The following MGST2 variants were observed in gnomAD, a reference collection of about 807,000 sequenced individuals.
MGST2 encodes the protein microsomal glutathione S-transferase 2, also known as glutathione peroxidase MGST2.
In MGST2, 9 loss-of-function variants were observed where a neutral mutation model predicts 16.6. The ratio of observed to expected loss-of-function variants is 0.54; its 90% CI spans 0.33 to 0.95. The LOEUF is 0.95. Ranked by LOEUF, MGST2 falls within the 40% of genes least tolerant of loss-of-function variation. MGST2 has a pLI of 0.03. For missense variants in MGST2, 159 were observed against 175.1 expected (o/e 0.91, Z 0.52); for synonymous variants, 79 against 68.0 (o/e 1.16, Z -0.79).
At chr4:139,753,645 C>T in the MGST2 span, among the ~76,000 whole-genome samples, 2 of 152,144 alleles carry the variant, frequency 1.3e-5, no homozygotes, top group Non-Finnish European at 2.9e-5. Flanking sequence ...TATGCTCCTT[C>T]CCTACATACA....
At chr4:139,703,343 A>G (rs1174929270) in intron 3 of MGST2, 112 bp from the exon 4 acceptor site, 2 of 870,752 alleles carry the variant, frequency 2.3e-6, no homozygotes, top group Non-Finnish European at 3.8e-6. Flanking sequence ...TCTGAATATA[A>G]GTATCTTGTC....
At chr4:139,719,947 C>G (rs1311122507) in intron 5 of MGST2, 1 of 1,613,964 alleles carries the variant, frequency 6.2e-7, no homozygotes, top group Non-Finnish European at 8.5e-7. Context: ...GCCCTTTCAT[C>G]TGTGGATGTT....
intron 2 of MGST2, among the ~76,000 whole-genome samples, chr4:139,690,201 A>G (rs1726490071): frequency 6.6e-6 from 1 of 152,194 alleles, no homozygotes; most frequent in Non-Finnish European, 1.5e-5. Context: ...CATATTGTCC[A>G]GGCTGGTCTT....
At chr4:139,671,636 T>A (rs1730699527) in intron 1 of MGST2, among the ~76,000 whole-genome samples, 1 of 151,924 alleles carries the variant, frequency 6.6e-6, no homozygotes, top group African/African-American at 2.4e-5. Context: ...GGCTAATTTT[T>A]GTTGTTGTTC....
intron 3 of MGST2, among the ~76,000 whole-genome samples, chr4:139,697,250 T>A (rs935584115): frequency 3.9e-5 from 6 of 152,234 alleles, no homozygotes; most frequent in African/African-American, 1.4e-4. Flanking sequence ...TATCCCTTCC[T>A]GCCTTAAATC....
downstream of MGST2, among the ~76,000 whole-genome samples, chr4:139,706,679 C>A (rs1727531029): frequency 6.6e-6 from 1 of 152,102 alleles, no homozygotes; most frequent in South Asian, 2.1e-4. Flanking sequence ...GTAAAACACA[C>A]ACATACACAC....
intron 5 of MGST2, among the ~76,000 whole-genome samples, chr4:139,722,350 G>A (rs1728269985): frequency 6.6e-6 from 1 of 152,074 alleles, no homozygotes; most frequent in Non-Finnish European, 1.5e-5. Flanking sequence ...TATTAATCTA[G>A]TTTTATGCCT....
chr4:139,680,570 C>T (rs1453013170), intron 2 of MGST2, among the ~76,000 whole-genome samples: 2 of 152,106 alleles, frequency 1.3e-5, no homozygotes, highest in Non-Finnish European at 2.9e-5. Flanking sequence ...CTTATACTGT[C>T]CTGATTTGGA....
At chr4:139,668,595 C>CAGAG (rs200533863) in intron 1 of MGST2, among the ~76,000 whole-genome samples, 300 of 135,170 alleles carry the variant, frequency 2.2e-3, no homozygotes, top group Middle Eastern at 3.8e-3. Flanking sequence ...AAGAAAGACA[C>CAGAG]AGAGAGAGAG....
At chr4:139,707,648 T>C (rs1727572492), downstream of MGST2, among the ~76,000 whole-genome samples, 1 of 150,334 alleles carries the variant, frequency 6.7e-6, no homozygotes, top group African/African-American at 2.4e-5. Flanking sequence ...TCCACAATGG[T>C]TGAACTAGTT....
chr4:139,721,697 T>C (rs957369064), intron 5 of MGST2, among the ~76,000 whole-genome samples: 2 of 152,146 alleles, frequency 1.3e-5, no homozygotes, highest in Non-Finnish European at 2.9e-5. Flanking sequence ...TCATACTGCA[T>C]TGAAAAATGA....
At chr4:139,730,806 AT>A in intron 5 of MGST2, 1 of 732,616 alleles carries the variant, frequency 1.4e-6, no homozygotes, top group South Asian at 1.9e-5. Context: ...CACGCATTGC[AT>A]TTCCATAAAC....
the MGST2 span, among the ~76,000 whole-genome samples, chr4:139,753,219 T>C: frequency 6.6e-6 from 1 of 152,232 alleles, no homozygotes; most frequent in Non-Finnish European, 1.5e-5. Context: ...TTCAGTGGCA[T>C]TAAGTACTTC....
At chr4:139,736,354 A>G (rs1044365369) in intron 5 of MGST2, among the ~76,000 whole-genome samples, 1 of 152,176 alleles carries the variant, frequency 6.6e-6, no homozygotes, top group Admixed American at 6.5e-5. Context: ...TAACATGACA[A>G]TTGCTTGGCC....
the MGST2 span, among the ~76,000 whole-genome samples, chr4:139,750,970 G>C: frequency 6.6e-6 from 1 of 152,108 alleles, no homozygotes; most frequent in Admixed American, 6.5e-5. Context: ...CTCCTATTTG[G>C]AACACCTGGC....
intron 2 of MGST2, chr4:139,687,741 G>A (rs1579309421): frequency 1.3e-5 from 2 of 152,298 alleles, no homozygotes; most frequent in East Asian, 3.9e-4. Context: ...TCATCTCAGG[G>A]TGGGTATCTA....
intron 1 of MGST2, among the ~76,000 whole-genome samples, chr4:139,672,751 A>G (rs566591129): frequency 2.6e-5 from 4 of 152,212 alleles, no homozygotes; most frequent in South Asian, 4.2e-4. Context: ...GGGTTTCACC[A>G]TGTTGGCCGG....
At chr4:139,682,945 C>G (rs1327195958) in intron 2 of MGST2, among the ~76,000 whole-genome samples, 1 of 152,158 alleles carries the variant, frequency 6.6e-6, no homozygotes, top group Non-Finnish European at 1.5e-5. Flanking sequence ...AGATTAATTC[C>G]AGGTCACCAC....
chr4:139,713,569 T>C (rs1436256085), intron 5 of MGST2, among the ~76,000 whole-genome samples: 1 of 140,238 alleles, frequency 7.1e-6, no homozygotes, highest in South Asian at 2.2e-4. Context: ...AAAGAGAAAA[T>C]CATTAATGGC....
Sources: allele counts gnomAD v4.1 joint callset (sites outside exome capture counted in the v4.1 genomes callset), GRCh38; gene constraint gnomAD v4.1.1; transcripts MANE v1.5; gene names NCBI Gene and HGNC (gene_info 2026-07-23, HGNC 2026-07-21).